The following RALYL variants were observed in gnomAD, a reference collection of about 807,000 sequenced individuals.
The protein encoded by RALYL is RNA-binding Raly-like protein.
RALYL carries 29 observed loss-of-function variants against 35.1 expected under a neutral mutation model. The observed-to-expected ratio is 0.83, with a 90% confidence interval of 0.61 to 1.13. The LOEUF (loss-of-function observed/expected upper bound fraction) is 1.13, where lower values mean the gene tolerates loss of function less well. Ranked by LOEUF, RALYL falls within the 50% of genes most tolerant of loss-of-function variation. RALYL has a pLI of 0.00. For missense variants in RALYL, 359 were observed against 360.4 expected (o/e 1.00, Z 0.03); for synonymous variants, 120 against 127.6 (o/e 0.94, Z 0.40).
At chr8:84,366,568 G>A (rs894305673) in intron 1 of RALYL, among the ~76,000 whole-genome samples, 4 of 151,652 alleles carry the variant, frequency 2.6e-5, no homozygotes, top group Admixed American at 6.6e-5. Context: ...TGAGGTCAGG[G>A]GATCGAGACC....
At position 84,921,690 on chromosome 8, in the gene RALYL, G is replaced by T. The variant is rs1849326718; in HGVS notation, c.*779G>T. On this transcript the variant is annotated 3_prime_UTR_variant, in exon 9 of 9. Coordinates refer to ENST00000521268, the MANE Select transcript of RALYL (RefSeq NM_173848.7). ...CATACATCATGTCATTTCACCTCCTGTTCCTAGGAACTCTCCATTCCCAAG... is the reference window on the plus strand; with the variant it reads ...CATACATCATGTCATTTCACCTCCTTTTCCTAGGAACTCTCCATTCCCAAG... 1 of 152,098 alleles carries T rather than the reference G, an allele frequency of 6.6e-6. No individual in the cohort carries two copies. The highest frequency in any genetic ancestry group is 2.4e-5 in the African/African-American group (1 of 41,426). 9.4% of individuals were successfully genotyped at this position (152,098 alleles called of 1,614,324 possible).
intron 2 of RALYL, among the ~76,000 whole-genome samples, chr8:84,691,152 GTT>G (rs769777317): frequency 3.9e-5 from 6 of 152,118 alleles, no homozygotes; most frequent in Non-Finnish European, 8.8e-5. Context: ...ACTTTCTTTA[GTT>G]TTATTAGACT....
At chr8:84,776,659 C>CT (rs35977642) in intron 3 of RALYL, among the ~76,000 whole-genome samples, 34,979 of 151,754 alleles carry the variant, frequency 0.23, 4,257 homozygotes, top group Non-Finnish European at 0.25. Flanking sequence ...CTGCCAATGG[C>CT]TTTTTTTTAT....
At chr8:84,533,492 T>C (rs1564099486) in intron 2 of RALYL, among the ~76,000 whole-genome samples, 1 of 152,192 alleles carries the variant, frequency 6.6e-6, no homozygotes, top group South Asian at 2.1e-4. Flanking sequence ...GCAATGTCTT[T>C]CTTTATATTC....
intron 3 of RALYL, among the ~76,000 whole-genome samples, chr8:84,794,973 C>A (rs2133896441): frequency 6.6e-6 from 1 of 152,330 alleles, no homozygotes; most frequent in East Asian, 1.9e-4. Context: ...GATACCACAG[C>A]CATCCATTAA....
rs1048421393 is a variant in RALYL at position 84,537,491 on chromosome 8, A to G, written c.256+7914A>G. ...TCCTGTCTCAAAAAAAAAAAAAAAA[A>G]GTCTGTTCACAAGGCTGTGGAGGGA... On this transcript the variant is annotated intron_variant, in intron 2 of 8. Transcript: ENST00000521268. Among the ~76,000 whole-genome samples the G allele has an allele frequency of 2.0e-5, 3 of 151,446 alleles. No homozygotes were observed. In the East Asian group the frequency reaches 5.8e-4, roughly 29 times the overall value.
chr8:84,315,034 C>A (rs184362002), intron 1 of RALYL, among the ~76,000 whole-genome samples: 1 of 152,012 alleles, frequency 6.6e-6, no homozygotes, highest in Admixed American at 6.6e-5. Flanking sequence ...AATTACCATG[C>A]GCATCTGAAA....
intron 1 of RALYL, among the ~76,000 whole-genome samples, chr8:84,426,438 C>CTGTGTGTGTGTG (rs71271987): frequency 1.4e-4 from 19 of 135,996 alleles, no homozygotes; most frequent in African/African-American, 2.5e-4. Context: ...CTCTCTCTCT[C>CTGTGTGTGTGTG]TGTGTGTGTG....
intron 1 of RALYL, among the ~76,000 whole-genome samples, chr8:84,493,630 C>A (rs529294792): frequency 6.6e-6 from 1 of 152,094 alleles, no homozygotes; most frequent in Non-Finnish European, 1.5e-5. Context: ...GATGGTATCT[C>A]GTTGTGGTTT....
chr8:84,321,969 G>T (rs1844926448), intron 1 of RALYL, among the ~76,000 whole-genome samples: 2 of 151,932 alleles, frequency 1.3e-5, no homozygotes, highest in Non-Finnish European at 2.9e-5. Flanking sequence ...TCTCCAAGAA[G>T]ACCCAAAAAC....
rs1273889120 is a variant in RALYL, at chr8:84,394,629, A to G, written c.-23-134670A>G. Among the ~76,000 whole-genome samples, 7 of 152,058 alleles carry G rather than the reference A, an allele frequency of 4.6e-5. No homozygotes were observed. In the East Asian group the frequency reaches 7.7e-4, roughly 17 times the overall value. On this transcript the variant is annotated intron_variant, in intron 1 of 8. Coordinates refer to ENST00000521268, the MANE Select transcript of RALYL (RefSeq NM_173848.7). ...GTTGTAAGACATGAAATATTTATCTATATGCTATAATGAACTATTTACTGG... is the reference window on the plus strand; with the variant it reads ...GTTGTAAGACATGAAATATTTATCTGTATGCTATAATGAACTATTTACTGG...
chr8:84,575,648 G>C (rs1387946189), intron 2 of RALYL, among the ~76,000 whole-genome samples: 1 of 152,106 alleles, frequency 6.6e-6, no homozygotes, highest in African/African-American at 2.4e-5. Flanking sequence ...TTCAGACATG[G>C]ACATCCTCTG....
chr8:84,698,029 A>C (rs900764955), intron 2 of RALYL, among the ~76,000 whole-genome samples: 7 of 152,204 alleles, frequency 4.6e-5, no homozygotes, highest in African/African-American at 1.7e-4. Context: ...CTGTTTTCTG[A>C]ATTTGGTTTC....
chr8:84,718,507 TA>T (rs1174299943), intron 2 of RALYL, among the ~76,000 whole-genome samples: 1 of 152,170 alleles, frequency 6.6e-6, no homozygotes, highest in Non-Finnish European at 1.5e-5. Context: ...CTCATGCCTG[TA>T]ATCCCAGCAC....
chr8:84,733,161 A>G (rs1334840669), intron 2 of RALYL, among the ~76,000 whole-genome samples: 4 of 152,098 alleles, frequency 2.6e-5, no homozygotes, highest in East Asian at 1.9e-4. Flanking sequence ...TACTGCTGTC[A>G]GGTAAATGGA....
At chr8:84,773,678 A>G (rs1202864858) in intron 2 of RALYL, among the ~76,000 whole-genome samples, 1 of 152,152 alleles carries the variant, frequency 6.6e-6, no homozygotes, top group African/African-American at 2.4e-5. Flanking sequence ...CATTTTGACA[A>G]CCTTGGAATT....
At chr8:84,224,259 C>A (rs1380951681) in intron 1 of RALYL, among the ~76,000 whole-genome samples, 2 of 152,176 alleles carry the variant, frequency 1.3e-5, no homozygotes, top group East Asian at 3.9e-4. Context: ...TCCCAAATGG[C>A]CCATTTTCCA....
chr8:84,891,418 G>A (rs1843821572), intron 8 of RALYL, among the ~76,000 whole-genome samples: 1 of 152,114 alleles, frequency 6.6e-6, no homozygotes, highest in Non-Finnish European at 1.5e-5. Context: ...TTTTACTCTG[G>A]ATGCATGTTT....
At chr8:84,315,697 C>A (rs375766146) in intron 1 of RALYL, among the ~76,000 whole-genome samples, 19 of 151,802 alleles carry the variant, frequency 1.3e-4, no homozygotes, top group African/African-American at 4.4e-4. Flanking sequence ...AATGAGAATT[C>A]ATGTAGCCTT....
Sources: allele counts gnomAD v4.1 joint callset (sites outside exome capture counted in the v4.1 genomes callset), GRCh38; gene constraint gnomAD v4.1.1; transcripts MANE v1.5; gene names NCBI Gene and HGNC (gene_info 2026-07-23, HGNC 2026-07-21).